SLC25A26: variants seen among roughly 807,000 people sequenced by gnomAD.
SLC25A26 encodes the protein solute carrier family 25 member 26, also known as mitochondrial S-adenosylmethionine carrier protein.
In SLC25A26, 36 loss-of-function variants were observed where a neutral mutation model predicts 37.8. The observed-to-expected ratio is 0.95, with a 90% CI of 0.73 to 1.26. The LOEUF (loss-of-function observed/expected upper bound fraction) is 1.26. Ranked by LOEUF, SLC25A26 falls within the 50% of genes most tolerant of loss-of-function variation. The pLI is 0.00. For missense variants in SLC25A26, 390 were observed against 331.1 expected (o/e 1.18, Z -1.38); for synonymous variants, 129 against 122.5 (o/e 1.05, Z -0.35).
chr3:66,271,939 G>A (rs2073974838), intron 5 of SLC25A26, among the ~76,000 whole-genome samples: 1 of 151,484 alleles, frequency 6.6e-6, no homozygotes, highest in South Asian at 2.1e-4. Flanking sequence ...AAAATTATTT[G>A]GTGGTCTCAC....
chr3:66,174,830 A>G (rs2070554240), intron 1 of SLC25A26, among the ~76,000 whole-genome samples: 1 of 151,082 alleles, frequency 6.6e-6, no homozygotes, highest in Non-Finnish European at 1.5e-5. Context: ...AAAATGCGCT[A>G]TGAAAAGTCA....
chr3:66,328,683 A>G (rs532501213), intron 5 of SLC25A26, among the ~76,000 whole-genome samples: 12 of 152,180 alleles, frequency 7.9e-5, no homozygotes, highest in Non-Finnish European at 1.6e-4. Context: ...TTCTTAATCA[A>G]TAAAGCCTGT....
intron 5 of SLC25A26, among the ~76,000 whole-genome samples, chr3:66,291,722 A>T (rs1045004759): frequency 6.6e-6 from 1 of 152,152 alleles, no homozygotes; most frequent in Non-Finnish European, 1.5e-5. Context: ...ACTTCCAATT[A>T]TGTGGTCAAT....
chr3:66,342,935 CAG>C (rs1266181997), intron 5 of SLC25A26, among the ~76,000 whole-genome samples: 2 of 152,166 alleles, frequency 1.3e-5, no homozygotes, highest in African/African-American at 4.8e-5. Context: ...CAGGTCACAA[CAG>C]TGAGCCATTT....
chr3:66,267,960 C>G (rs1415346014), intron 5 of SLC25A26, among the ~76,000 whole-genome samples: 1 of 152,194 alleles, frequency 6.6e-6, no homozygotes, highest in African/African-American at 2.4e-5. Context: ...GTTCTGCTGT[C>G]TGCCTACTCA....
intron 1 of SLC25A26, among the ~76,000 whole-genome samples, chr3:66,162,755 C>T (rs1353295101): frequency 1.3e-5 from 2 of 152,242 alleles, no homozygotes; most frequent in Non-Finnish European, 2.9e-5. Flanking sequence ...TCTTGGCTGT[C>T]ATCACTCATA....
At chr3:66,199,812 C>T (rs2071087015) in intron 1 of SLC25A26, among the ~76,000 whole-genome samples, 1 of 152,010 alleles carries the variant, frequency 6.6e-6, no homozygotes, top group Non-Finnish European at 1.5e-5. Context: ...TTACTTTTAC[C>T]CTACACCTGA....
intron 1 of SLC25A26, among the ~76,000 whole-genome samples, chr3:66,206,981 A>G (rs1441142804): frequency 6.9e-6 from 1 of 145,654 alleles, no homozygotes. Flanking sequence ...GGCTCAAGTC[A>G]TCTGTCTGCC....
intron 5 of SLC25A26, among the ~76,000 whole-genome samples, chr3:66,326,810 C>T (rs923963830): frequency 6.6e-6 from 1 of 152,162 alleles, no homozygotes; most frequent in African/African-American, 2.4e-5. Context: ...AGAAAAAGGA[C>T]ACATCTCTGG....
At chr3:66,325,101 C>T (rs1327779581) in intron 5 of SLC25A26, among the ~76,000 whole-genome samples, 1 of 152,158 alleles carries the variant, frequency 6.6e-6, no homozygotes, top group Non-Finnish European at 1.5e-5. Context: ...CAACCCTTGC[C>T]TTATCTTGGT....
At chr3:66,332,153 A>G (rs9841988) in intron 5 of SLC25A26, among the ~76,000 whole-genome samples, 27,094 of 151,638 alleles carry the variant, frequency 0.18, 4,523 homozygotes, top group African/African-American at 0.45. Context: ...GGCCAGGCTG[A>G]TCTCGAACTC....
chr3:66,175,507 G>A (rs1391398307), intron 1 of SLC25A26, among the ~76,000 whole-genome samples: 1 of 152,126 alleles, frequency 6.6e-6, no homozygotes, highest in African/African-American at 2.4e-5. Flanking sequence ...TTACAGGCAT[G>A]AGCCACCACA....
intron 5 of SLC25A26, among the ~76,000 whole-genome samples, chr3:66,313,477 A>G (rs998717008): frequency 2.6e-5 from 4 of 151,972 alleles, no homozygotes; most frequent in African/African-American, 9.7e-5. Context: ...CCATTGGTCT[A>G]TGTGTCTGTT....
chr3:66,231,150 G>T (rs1479912555), intron 1 of SLC25A26, among the ~76,000 whole-genome samples: 3 of 152,204 alleles, frequency 2.0e-5, no homozygotes, highest in Admixed American at 1.3e-4. Context: ...ACTCCAGATG[G>T]GGTGACAGAG....
At chr3:66,142,774 C>CT (rs1175924801) in intron 1 of SLC25A26, among the ~76,000 whole-genome samples, 2 of 151,984 alleles carry the variant, frequency 1.3e-5, no homozygotes, top group Admixed American at 6.6e-5. Context: ...TGTTTTTTCT[C>CT]TTTTTTTGAG....
chr3:66,307,094 A>G (rs939237292), intron 5 of SLC25A26, among the ~76,000 whole-genome samples: 1 of 152,152 alleles, frequency 6.6e-6, no homozygotes, highest in African/African-American at 2.4e-5. Context: ...TGTCTTCCAT[A>G]ATGGTTAAAC....
intron 1 of SLC25A26, among the ~76,000 whole-genome samples, chr3:66,214,931 C>T (rs1213020493): frequency 2.0e-5 from 3 of 152,184 alleles, no homozygotes; most frequent in African/African-American, 7.2e-5. Context: ...AGTTCCAGAC[C>T]AGCCTGGCCA....
At chr3:66,154,359 C>T (rs769592663) in intron 1 of SLC25A26, among the ~76,000 whole-genome samples, 8 of 152,118 alleles carry the variant, frequency 5.3e-5, no homozygotes, top group Non-Finnish European at 8.8e-5. Flanking sequence ...CCAGTCCTGC[C>T]TGGATGCCTT....
chr3:66,226,231 A>G (rs1235872317), intron 1 of SLC25A26, among the ~76,000 whole-genome samples: 3 of 152,170 alleles, frequency 2.0e-5, no homozygotes, highest in African/African-American at 7.2e-5. Context: ...GTAGAAGGCA[A>G]AGGAGGAGCA....
Sources: allele counts gnomAD v4.1 joint callset (sites outside exome capture counted in the v4.1 genomes callset), GRCh38; gene constraint gnomAD v4.1.1; transcripts MANE v1.5; gene names NCBI Gene and HGNC (gene_info 2026-07-23, HGNC 2026-07-21).